CHST11: variants seen among roughly 807,000 people sequenced by gnomAD.
CHST11 encodes carbohydrate sulfotransferase 11, also known as C4S-1.
CHST11 carries 9 observed loss-of-function variants against 30.4 expected under a neutral mutation model. That is an observed-to-expected ratio of 0.30 (90% CI 0.18 to 0.52). The LOEUF is 0.52. Among genes scored for constraint, CHST11 ranks in the 20% least tolerant of loss-of-function variants. The pLI, the probability that CHST11 is intolerant of heterozygous loss-of-function variation, is 0.97. For missense variants in CHST11, 348 were observed against 460.6 expected (o/e 0.76, Z 2.24); for synonymous variants, 152 against 187.8 (o/e 0.81, Z 1.56).
At chr12:104,564,415 C>T (rs900903524) in intron 1 of CHST11, among the ~76,000 whole-genome samples, 3 of 152,232 alleles carry the variant, frequency 2.0e-5, no homozygotes, top group African/African-American at 7.2e-5. Context: ...TCTCTCAATC[C>T]CTCAGCTTCT....
chr12:104,622,527 T>C (rs76061657), intron 2 of CHST11, among the ~76,000 whole-genome samples: 5,218 of 152,232 alleles, frequency 0.034, 320 homozygotes, highest in African/African-American at 0.12. Context: ...TTTTAGACAG[T>C]GCAAAGAGAA....
chr12:104,713,552 G>A (rs7297460), intron 2 of CHST11, among the ~76,000 whole-genome samples: 132,730 of 152,146 alleles, frequency 0.87, 58,077 homozygotes, highest in Middle Eastern at 0.94. Context: ...CTTACTCTGC[G>A]TGAGTTTCGA....
intron 1 of CHST11, among the ~76,000 whole-genome samples, chr12:104,559,192 C>T (rs963629478): frequency 2.6e-5 from 4 of 152,248 alleles, no homozygotes; most frequent in Admixed American, 2.6e-4. Flanking sequence ...CTCTAGGTAT[C>T]GCCTCTCTAA....
intron 1 of CHST11, among the ~76,000 whole-genome samples, chr12:104,472,846 G>T (rs4964802): frequency 0.87 from 131,970 of 152,052 alleles, 57,794 homozygotes; most frequent in East Asian, 1. Flanking sequence ...AGTTGAGGTT[G>T]GCACCGGGCT....
chr12:104,730,628 TC>T (rs992470457), intron 2 of CHST11, among the ~76,000 whole-genome samples: 2 of 151,802 alleles, frequency 1.3e-5, no homozygotes, highest in Admixed American at 6.6e-5. Flanking sequence ...CTTGGTTGGA[TC>T]TTGAAAGGAC....
intron 2 of CHST11, among the ~76,000 whole-genome samples, chr12:104,618,148 C>A (rs1050806291): frequency 6.6e-6 from 1 of 151,620 alleles, no homozygotes; most frequent in African/African-American, 2.4e-5. Context: ...ACCTTGTGAT[C>A]TGCCTGCCTC....
chr12:104,681,288 A>G (rs2039792742), intron 2 of CHST11, among the ~76,000 whole-genome samples: 1 of 152,266 alleles, frequency 6.6e-6, no homozygotes, highest in Admixed American at 6.5e-5. Context: ...GATACATGCT[A>G]CATGGATGAA....
intron 1 of CHST11, among the ~76,000 whole-genome samples, chr12:104,501,425 CCTGAAGGTT>C (rs2037853088): frequency 6.6e-6 from 1 of 152,212 alleles, no homozygotes; most frequent in East Asian, 1.9e-4. Context: ...AGGCACCAAA[CCTGAAGGTT>C]CAGGATCTGA....
chr12:104,703,613 G>A lies in CHST11; in HGVS notation c.205-53336G>A, dbSNP rs181057011. ...CCAGAGCTGGTCTACAGCGTAAGTC[G>A]GATCATGTTCCTCCCACACTCACAC... On this transcript the variant is annotated intron_variant, in intron 2 of 2. Coordinates refer to ENST00000303694, the MANE Select transcript of CHST11 (RefSeq NM_018413.6). Among the ~76,000 whole-genome samples the A allele has an allele frequency of 6.1e-3, 933 of 152,218 alleles. 13 individuals carry two copies. The highest frequency in any genetic ancestry group is 4.2e-3 in the Non-Finnish European group (283 of 68,014).
chr12:104,692,890 AC>A (rs1384239104), intron 2 of CHST11, among the ~76,000 whole-genome samples: 5 of 149,782 alleles, frequency 3.3e-5, no homozygotes, highest in African/African-American at 1.2e-4. Context: ...AAAAAAAAAA[AC>A]AAAAAAAAAA....
chr12:104,631,830 G>A (rs1013649043), intron 2 of CHST11, among the ~76,000 whole-genome samples: 5 of 152,132 alleles, frequency 3.3e-5, no homozygotes, highest in African/African-American at 9.7e-5. Context: ...TTGCAGGGTC[G>A]GAGCCACGGC....
chr12:104,497,217 G>A (rs1483823773), intron 1 of CHST11, among the ~76,000 whole-genome samples: 2 of 152,202 alleles, frequency 1.3e-5, no homozygotes, highest in Non-Finnish European at 2.9e-5. Context: ...TGGATATGGG[G>A]TCTTAAGAGA....
At chr12:104,671,099 A>G (rs553294595) in intron 2 of CHST11, among the ~76,000 whole-genome samples, 1 of 152,344 alleles carries the variant, frequency 6.6e-6, no homozygotes, top group South Asian at 2.1e-4. Context: ...GAGATGGTAG[A>G]GAATGGCTAG....
intron 1 of CHST11, among the ~76,000 whole-genome samples, chr12:104,521,168 T>C (rs142478825): frequency 9.9e-4 from 151 of 152,338 alleles, no homozygotes; most frequent in African/African-American, 3.5e-3. Context: ...AGATTTGCCA[T>C]TGTATTCGAG....
At chr12:104,518,770 C>T (rs1183123634) in intron 1 of CHST11, among the ~76,000 whole-genome samples, 1 of 152,128 alleles carries the variant, frequency 6.6e-6, no homozygotes, top group African/African-American at 2.4e-5. Context: ...ATGAATATAG[C>T]ATCCTTTAGC....
intron 2 of CHST11, among the ~76,000 whole-genome samples, chr12:104,748,694 T>G (rs2040407505): frequency 1.3e-5 from 2 of 152,154 alleles, no homozygotes; most frequent in African/African-American, 4.8e-5. Flanking sequence ...CACCTTAGTC[T>G]TTAAATCCCA....
At chr12:104,531,141 C>T (rs373294235) in intron 1 of CHST11, among the ~76,000 whole-genome samples, 3 of 152,162 alleles carry the variant, frequency 2.0e-5, no homozygotes, top group South Asian at 4.1e-4. Flanking sequence ...GGAGAAGAAT[C>T]GCTCAAAGAT....
chr12:104,501,164 A>G (rs10861228), intron 1 of CHST11, among the ~76,000 whole-genome samples: 27,672 of 152,164 alleles, frequency 0.18, 2,696 homozygotes, highest in East Asian at 0.33. Context: ...AGATAAGACT[A>G]GAGTCTGGGA....
chr12:104,573,794 G>A (rs1665501232), intron 1 of CHST11, among the ~76,000 whole-genome samples: 1 of 152,154 alleles, frequency 6.6e-6, no homozygotes, highest in Admixed American at 6.5e-5. Flanking sequence ...TAGGACATAG[G>A]CACAGGCAAA....
Sources: allele counts gnomAD v4.1 joint callset (sites outside exome capture counted in the v4.1 genomes callset), GRCh38; gene constraint gnomAD v4.1.1; transcripts MANE v1.5; gene names NCBI Gene and HGNC (gene_info 2026-07-23, HGNC 2026-07-21).